The following KCNJ6 variants were observed in gnomAD, a reference collection of about 807,000 sequenced individuals.
The protein encoded by KCNJ6 is G protein-activated inward rectifier potassium channel 2.
Under a neutral mutation model 34.2 loss-of-function variants are expected in KCNJ6, and 9 were observed. The ratio of observed to expected loss-of-function variants is 0.26; its 90% CI spans 0.16 to 0.46. KCNJ6 has a LOEUF of 0.46. Ranked by LOEUF, KCNJ6 falls within the 20% of genes least tolerant of loss-of-function variation. The pLI, the probability that KCNJ6 is intolerant of heterozygous loss-of-function variation, is 1.00. For missense variants in KCNJ6, 236 were observed against 531.3 expected (o/e 0.44, Z 5.46); for synonymous variants, 196 against 207.1 (o/e 0.95, Z 0.46).
At chr21:37,887,373 T>A (rs192207711) in intron 1 of KCNJ6, among the ~76,000 whole-genome samples, 2 of 152,272 alleles carry the variant, frequency 1.3e-5, no homozygotes, top group African/African-American at 2.4e-5. Flanking sequence ...CAAGTCGGGT[T>A]ATAGTTTTCA....
chr21:37,870,414 A>C (rs2055645230), intron 1 of KCNJ6, among the ~76,000 whole-genome samples: 1 of 152,198 alleles, frequency 6.6e-6, no homozygotes, highest in South Asian at 2.1e-4. Context: ...TCTTTGGCAC[A>C]GGCCCAGCTA....
At chr21:37,809,403 A>T (rs2055310416) in intron 2 of KCNJ6, among the ~76,000 whole-genome samples, 2 of 152,072 alleles carry the variant, frequency 1.3e-5, no homozygotes. Flanking sequence ...GAGGGATAGC[A>T]TTAGGAGATA....
chr21:37,789,961 T>C (rs1276436986), intron 2 of KCNJ6, among the ~76,000 whole-genome samples: 2 of 152,148 alleles, frequency 1.3e-5, no homozygotes, highest in Non-Finnish European at 2.9e-5. Context: ...TACCCAGGTG[T>C]GTGAGTGATA....
At chr21:37,682,645 T>A (rs1601417440) in intron 3 of KCNJ6, among the ~76,000 whole-genome samples, 1 of 152,144 alleles carries the variant, frequency 6.6e-6, no homozygotes, top group East Asian at 1.9e-4. Flanking sequence ...CCTAATTACA[T>A]CCTTATAGGA....
chr21:37,662,835 TG>T (rs56219656), intron 3 of KCNJ6, among the ~76,000 whole-genome samples: 152,330 of 152,330 alleles, frequency 1, 76,165 homozygotes, highest in Non-Finnish European at 1. Flanking sequence ...ATTGTGGTTT[TG>T]GATTTGCATT....
At position 37,814,987 on chromosome 21, in the gene KCNJ6, A is replaced by G. The variant is rs148979401; in HGVS notation, c.25+25671T>C. Among the ~76,000 whole-genome samples the G allele has an allele frequency of 1.3e-3, 190 of 151,882 alleles. 2 individuals are homozygous for G. Among genetic ancestry groups the G allele is most frequent in the South Asian group, 3.3e-3 (16 of 4,786 alleles). On this transcript the variant is annotated intron_variant, in intron 2 of 3. Transcript: ENST00000609713. ...AACAACATGGAAGGAATTGCAGGTC[A>G]TTATGCTAAGTGAAATAAGCCAGGC...
intron 2 of KCNJ6, among the ~76,000 whole-genome samples, chr21:37,772,274 T>C (rs1339106747): frequency 6.6e-6 from 1 of 152,248 alleles, no homozygotes; most frequent in Non-Finnish European, 1.5e-5. Flanking sequence ...CAATTTATTA[T>C]TGGTTGCACA....
At chr21:37,835,814 C>CTAACCT (rs1019887104) in intron 2 of KCNJ6, among the ~76,000 whole-genome samples, 1 of 145,166 alleles carries the variant, frequency 6.9e-6, no homozygotes, top group Admixed American at 6.7e-5. Context: ...CACCCTAACC[C>CTAACCT]TAACCCTAAC....
intron 1 of KCNJ6, among the ~76,000 whole-genome samples, chr21:37,890,747 G>C (rs1032663215): frequency 4.6e-5 from 7 of 152,140 alleles, no homozygotes; most frequent in Non-Finnish European, 8.8e-5. Flanking sequence ...TCCCCTGCAA[G>C]TCCCACAGAC....
At chr21:37,886,945 T>C (rs1281353828) in intron 1 of KCNJ6, among the ~76,000 whole-genome samples, 5 of 151,786 alleles carry the variant, frequency 3.3e-5, no homozygotes, top group Admixed American at 6.6e-5. Context: ...TTTTTTTTTT[T>C]TTTTCTTTTC....
At chr21:37,818,211 CGTGTGTGTGT>C (rs10539396) in intron 2 of KCNJ6, among the ~76,000 whole-genome samples, 77,012 of 148,216 alleles carry the variant, frequency 0.52, 20,081 homozygotes, top group East Asian at 0.77. Context: ...TGTGTGCGTG[CGTGTGTGTGT>C]GTGTGTGTGT....
At chr21:37,881,133 T>C (rs2055705645) in intron 1 of KCNJ6, among the ~76,000 whole-genome samples, 2 of 152,032 alleles carry the variant, frequency 1.3e-5, no homozygotes, top group African/African-American at 4.8e-5. Flanking sequence ...ACTAAATATT[T>C]ATTGAGCCTA....
At chr21:37,861,130 T>C (rs1191834451) in intron 1 of KCNJ6, among the ~76,000 whole-genome samples, 2 of 152,210 alleles carry the variant, frequency 1.3e-5, no homozygotes, top group Admixed American at 6.5e-5. Context: ...TTTCTTTATT[T>C]ACTCATTATT....
At chr21:37,858,482 G>T (rs2055576905) in intron 1 of KCNJ6, among the ~76,000 whole-genome samples, 1 of 151,158 alleles carries the variant, frequency 6.6e-6, no homozygotes, top group Non-Finnish European at 1.5e-5. Context: ...AGGGGAAAAG[G>T]GGATTCATGG....
intron 2 of KCNJ6, among the ~76,000 whole-genome samples, chr21:37,723,002 C>A (rs907733694): frequency 1.3e-5 from 2 of 152,024 alleles, no homozygotes; most frequent in African/African-American, 2.4e-5. Flanking sequence ...AACAGACAAC[C>A]AAGGTAATGG....
In KCNJ6 at chr21:37,607,449, A is replaced by G. The variant is rs1031449988; in HGVS notation, c.*17710T>C. Reference sequence around the variant, plus strand: ...AATATGTAAACAGTTTCCCTAACACAGCGAGTTCTTAAAGATATATATATA... The same window carrying G: ...AATATGTAAACAGTTTCCCTAACACGGCGAGTTCTTAAAGATATATATATA... On this transcript the variant is annotated 3_prime_UTR_variant, in exon 4 of 4. Transcript: ENST00000609713. 4.9e-5 allele frequency: 6 copies of G among 123,392 alleles called. No individual in the cohort carries two copies. Among genetic ancestry groups the G allele is most frequent in the Non-Finnish European group, 6.9e-5 (4 of 58,312 alleles). 7.6% of individuals were successfully genotyped at this position (123,392 alleles called of 1,614,324 possible).
rs1270990707 is a variant in KCNJ6, at chr21:37,628,640, A to G, written c.947-3156T>C. Among the ~76,000 whole-genome samples the G allele has an allele frequency of 2.6e-5, 4 of 152,354 alleles. No individual in the cohort carries two copies. The South Asian group carries it at 6.2e-4, about 24-fold the overall frequency. ...GATTATGTGAAGACGTAATGACTGG[A>G]AAGTCTTTAGTTCAATGAAAACCAT... On this transcript the variant is annotated intron_variant, in intron 3 of 3. Coordinates refer to ENST00000609713, the MANE Select transcript of KCNJ6 (RefSeq NM_002240.5).
chr21:37,762,808 G>A (rs2055072404), intron 2 of KCNJ6, among the ~76,000 whole-genome samples: 1 of 152,154 alleles, frequency 6.6e-6, no homozygotes, highest in Non-Finnish European at 1.5e-5. Context: ...CAGTGCCTGA[G>A]CCCCACTCCA....
chr21:37,764,903 G>T (rs1568840428), intron 2 of KCNJ6, among the ~76,000 whole-genome samples: 1 of 152,182 alleles, frequency 6.6e-6, no homozygotes, highest in Non-Finnish European at 1.5e-5. Context: ...CAGGCCAAGA[G>T]GCACCGCAAA....
Sources: allele counts gnomAD v4.1 joint callset (sites outside exome capture counted in the v4.1 genomes callset), GRCh38; gene constraint gnomAD v4.1.1; transcripts MANE v1.5; gene names NCBI Gene and HGNC (gene_info 2026-07-23, HGNC 2026-07-21).